TENT2: variants seen among roughly 807,000 people sequenced by gnomAD.
TENT2 encodes the protein terminal nucleotidyltransferase 2.
A neutral mutation model predicts 72.2 loss-of-function variants in TENT2; 44 were observed. That is an observed-to-expected ratio of 0.61 (90% CI 0.48 to 0.78). The LOEUF (loss-of-function observed/expected upper bound fraction) is 0.78, where lower values mean the gene tolerates loss of function less well. Ranked by LOEUF, TENT2 falls within the 30% of genes least tolerant of loss-of-function variation. The pLI, the probability that TENT2 is intolerant of heterozygous loss-of-function variation, is 0.00. For synonymous variants in TENT2, 212 were observed against 192.5 expected (o/e 1.10, Z -0.84); for missense variants, 541 against 569.6 (o/e 0.95, Z 0.51).
intron 1 of TENT2, among the ~76,000 whole-genome samples, chr5:79,615,793 A>G (rs1187632732): frequency 6.6e-6 from 1 of 151,060 alleles, no homozygotes; most frequent in Non-Finnish European, 1.5e-5. Context: ...GCTCACTCCA[A>G]CCTCCGTCTC....
intron 12 of TENT2, among the ~76,000 whole-genome samples, chr5:79,675,676 G>T (rs1290645498): frequency 6.6e-6 from 1 of 152,184 alleles, no homozygotes; most frequent in East Asian, 1.9e-4. Context: ...AATGCAGCAA[G>T]AGTGGGTAAG....
At chr5:79,672,083 A>G (rs1042645956) in intron 12 of TENT2, among the ~76,000 whole-genome samples, 3 of 149,848 alleles carry the variant, frequency 2.0e-5, no homozygotes, top group Admixed American at 1.3e-4. Flanking sequence ...AGCCTGGACA[A>G]TAGAGTGAGA....
chr5:79,652,564 G>A (rs1244363583), intron 10 of TENT2, among the ~76,000 whole-genome samples: 2 of 151,672 alleles, frequency 1.3e-5, no homozygotes, highest in Non-Finnish European at 2.9e-5. Flanking sequence ...TTGACTTATC[G>A]AGAGAGACAA....
At chr5:79,640,817 C>A in intron 4 of TENT2, 34 bp from the exon 5 acceptor site, 1 of 1,434,538 alleles carries the variant, frequency 7.0e-7, no homozygotes, top group Non-Finnish European at 9.7e-7. Context: ...CATTGCTGAA[C>A]AAAACTTTTA....
intron 11 of TENT2, among the ~76,000 whole-genome samples, chr5:79,667,912 C>G (rs1809673948): frequency 6.8e-6 from 1 of 147,942 alleles, no homozygotes; most frequent in Non-Finnish European, 1.5e-5. Context: ...AGTTGTCATT[C>G]TGCTGCCTTA....
At chr5:79,677,900 A>G (rs1818481209) in intron 12 of TENT2, among the ~76,000 whole-genome samples, 1 of 152,208 alleles carries the variant, frequency 6.6e-6, no homozygotes, top group Non-Finnish European at 1.5e-5. Flanking sequence ...CCCCTTGCTC[A>G]GGTGATCCTT....
At chr5:79,621,105 TAA>T (rs61624308) in intron 3 of TENT2, among the ~76,000 whole-genome samples, 9,945 of 148,294 alleles carry the variant, frequency 0.067, 545 homozygotes, top group Admixed American at 0.16. Flanking sequence ...CAAGGTGCTG[TAA>T]AAAAAAAAAA....
At chr5:79,620,909 A>G (rs1286762734) in intron 3 of TENT2, among the ~76,000 whole-genome samples, 1 of 152,156 alleles carries the variant, frequency 6.6e-6, no homozygotes, top group Non-Finnish European at 1.5e-5. Context: ...AACTTCCTAT[A>G]GTCAAGTCAG....
intron 4 of TENT2, among the ~76,000 whole-genome samples, chr5:79,625,898 C>T (rs183570214): frequency 1.6e-4 from 24 of 150,756 alleles, no homozygotes; most frequent in Admixed American, 6.6e-4. Context: ...GGTGCGATCT[C>T]GGCTCACTGA....
intron 4 of TENT2, among the ~76,000 whole-genome samples, chr5:79,638,606 G>A (rs761220569): frequency 1.3e-5 from 2 of 152,096 alleles, no homozygotes; most frequent in Non-Finnish European, 2.9e-5. Flanking sequence ...TGAGTGAGGG[G>A]GAGAAGGTAT....
intron 4 of TENT2, among the ~76,000 whole-genome samples, chr5:79,629,197 C>T (rs1772995919): frequency 6.6e-6 from 1 of 152,158 alleles, no homozygotes; most frequent in Admixed American, 6.5e-5. Flanking sequence ...AGTTATAGCT[C>T]CATGTACAAA....
At chr5:79,625,147 C>T (rs935149616) in intron 4 of TENT2, among the ~76,000 whole-genome samples, 1 of 152,138 alleles carries the variant, frequency 6.6e-6, no homozygotes, top group Non-Finnish European at 1.5e-5. Context: ...TCCCTAATGC[C>T]TAATGATATT....
chr5:79,657,052 A>G (rs931818080), intron 11 of TENT2, 51 bp downstream of exon 11: 10 of 1,262,980 alleles, frequency 7.9e-6, no homozygotes, highest in African/African-American at 1.5e-5. Context: ...AAGTGTATGT[A>G]GAACTATTAT....
intron 11 of TENT2, among the ~76,000 whole-genome samples, chr5:79,664,503 G>A (rs186037290): frequency 1.7e-4 from 26 of 151,900 alleles, no homozygotes; most frequent in African/African-American, 5.8e-4. Flanking sequence ...GCTGAGGCAG[G>A]CGAATTGCTT....
chr5:79,684,686 A>T (rs754397677), intron 14 of TENT2, among the ~76,000 whole-genome samples: 1 of 152,238 alleles, frequency 6.6e-6, no homozygotes. Context: ...GATTGAATTA[A>T]TCCGTGAATA....
At chr5:79,679,530 A>G in intron 12 of TENT2, 49 bp from the exon 13 acceptor site, 4 of 1,364,416 alleles carry the variant, frequency 2.9e-6, no homozygotes, top group Non-Finnish European at 4.0e-6. Context: ...AAATAATATA[A>G]GAGAAATTAT....
intron 1 of TENT2, among the ~76,000 whole-genome samples, chr5:79,618,143 G>A (rs1046607038): frequency 5.3e-5 from 8 of 151,540 alleles, no homozygotes; most frequent in African/African-American, 1.7e-4. Context: ...TTTCCTTTTC[G>A]TTCTTTCTAA....
intron 13 of TENT2, 56 bp from the exon 14 acceptor site, chr5:79,681,926 A>G: frequency 6.9e-7 from 1 of 1,454,178 alleles, no homozygotes; most frequent in Non-Finnish European, 9.5e-7. Context: ...CCTAAAAAAG[A>G]AACTGTAGCT....
chr5:79,627,926 A>G (rs1239440460), intron 4 of TENT2, among the ~76,000 whole-genome samples: 2 of 152,210 alleles, frequency 1.3e-5, no homozygotes, highest in African/African-American at 2.4e-5. Flanking sequence ...GGCATTCTAC[A>G]TATGCTATCT....
Sources: gnomAD v4.1 joint callset for allele counts (sites outside exome capture counted in the v4.1 genomes callset) on GRCh38, gnomAD v4.1.1 for gene constraint, MANE v1.5 for transcripts, NCBI Gene and HGNC (gene_info 2026-07-23, HGNC 2026-07-21) for gene names.